The following KIR3DL2 variants were observed in gnomAD, a reference collection of about 807,000 sequenced individuals.
The protein encoded by KIR3DL2 is killer cell immunoglobulin-like receptor 3DL2.
A neutral mutation model predicts 41.6 loss-of-function variants in KIR3DL2; 42 were observed. The observed-to-expected ratio is 1.01, with a 90% CI of 0.79 to 1.31. The LOEUF is 1.31. KIR3DL2 is among the 50% of genes most tolerant of loss of function. The probability of loss-of-function intolerance (pLI) is 0.00; values close to 1 mark genes in which losing one functional copy is unlikely to be tolerated. For missense variants in KIR3DL2, 728 were observed against 576.8 expected, an observed-to-expected ratio of 1.26 and a Z score of -2.68; for synonymous variants, 230 against 221.3, an observed-to-expected ratio of 1.04 and a Z score of -0.35.
At chr19:54,862,802 C>CTTT (rs1210198153) in intron 6 of KIR3DL2, among the ~76,000 whole-genome samples, 1,648 of 79,252 alleles carry the variant, frequency 0.021, 14 homozygotes, top group Non-Finnish European at 0.028. Context: ...TGGGTTACTT[C>CTTT]TTTTTTTTTT....
At chr19:54,855,447 G>C (rs2145612599) in intron 4 of KIR3DL2, among the ~76,000 whole-genome samples, 172 bp from the exon 5 acceptor site, 1 of 151,456 alleles carries the variant, frequency 6.6e-6, no homozygotes, top group South Asian at 2.1e-4. Context: ...CAGAGACCTA[G>C]AGAGACAGAG....
intron 5 of KIR3DL2, 25 bp downstream of exon 5, chr19:54,855,937 A>G (rs2064733784): frequency 7.4e-6 from 12 of 1,612,096 alleles, no homozygotes; most frequent in African/African-American, 5.4e-5. Flanking sequence ...TGTCTGTCCC[A>G]TGTCTTATGA....
intron 5 of KIR3DL2, among the ~76,000 whole-genome samples, chr19:54,858,360 G>C (rs1601787622): frequency 6.6e-6 from 1 of 150,506 alleles, no homozygotes; most frequent in East Asian, 1.9e-4. Context: ...TCTGCATGTA[G>C]ATATCCAGTT....
rs1198280488 is a variant in KIR3DL2 at position 54,866,826 on chromosome 19, C to G, written c.*95C>G. 3 of 1,320,818 alleles carry G rather than the reference C, an allele frequency of 2.3e-6. No homozygotes were observed. Among genetic ancestry groups the G allele is most frequent in the Non-Finnish European group, 1.1e-6 (1 of 933,138 alleles). 81.8% of individuals were successfully genotyped at this position (1,320,818 alleles called of 1,614,324 possible). On this transcript the variant is annotated 3_prime_UTR_variant, in exon 9 of 9. Transcript: ENST00000326321. ...TCAGTCTGCATCTTAGGGGATCGCT[C>G]TTCCTCACACCACGAATCTGAACAT...
chr19:54,860,527 G>A (rs774849000), intron 6 of KIR3DL2, among the ~76,000 whole-genome samples: 13 of 151,804 alleles, frequency 8.6e-5, no homozygotes, highest in East Asian at 7.7e-4. Flanking sequence ...CAACCACCAC[G>A]CCCGGCTAAC....
intron 7 of KIR3DL2, 38 bp from the exon 8 acceptor site, chr19:54,866,332 G>T: frequency 6.2e-7 from 1 of 1,612,238 alleles, no homozygotes; most frequent in Non-Finnish European, 8.5e-7. Flanking sequence ...ACCCAGAAGG[G>T]CCCTCCAAGC....
chr19:54,852,129 G>T lies in KIR3DL2; in HGVS notation c.202G>T (p.Val68Phe). Residue 68 changes from valine (V) to phenylalanine (F), a missense_variant, in exon 3 of 9, where the codon GTT becomes TTT. By Grantham distance (50) the Val-to-Phe change is conservative. Coordinates refer to ENST00000326321, the MANE Select transcript of KIR3DL2 (RefSeq NM_006737.4). Reference protein sequence around the residue: ...FMLYKEDRSHVPIFHGRIFQE... With the variant: ...FMLYKEDRSHFPIFHGRIFQE... ...GCTGTACAAAGAAGACAGAAGCCAC[G>T]TTCCCATCTTCCACGGCAGAATATT... The T allele has an allele frequency of 1.2e-6, 2 of 1,612,980 alleles. No individual in the cohort carries two copies. The highest frequency in any genetic ancestry group is 1.7e-6 in the Non-Finnish European group (2 of 1,179,608).
At position 54,866,712 on chromosome 19, in the gene KIR3DL2, G is replaced by T; in HGVS notation, c.1349G>T (p.Gly450Val). The T allele has an allele frequency of 6.2e-7, 1 of 1,613,898 alleles. No individual in the cohort carries two copies. Among genetic ancestry groups the T allele is most frequent in the Non-Finnish European group, 8.5e-7 (1 of 1,179,950 alleles). Residue 450 changes from glycine to valine, a missense_variant, in exon 9 of 9, where the codon GGT (glycine) becomes GTT (valine). Physicochemically the swap from Gly to Val is moderately radical, Grantham distance 109. Coordinates refer to ENST00000326321, the MANE Select transcript of KIR3DL2 (RefSeq NM_006737.4). Reference sequence around the variant, plus strand: ...TCCTGCCCACGAGCACCACAGTCAGGTCTTGAGGGGGTTTTCTAGGGAGAC... The same window carrying T: ...TCCTGCCCACGAGCACCACAGTCAGTTCTTGAGGGGGTTTTCTAGGGAGAC... Reference protein sequence around the residue: ...VVSCPRAPQSGLEGVF With the variant: ...VVSCPRAPQSVLEGVF
chr19:54,851,687 T>C (rs1360997714), intron 2 of KIR3DL2, among the ~76,000 whole-genome samples: 1 of 151,782 alleles, frequency 6.6e-6, no homozygotes, highest in Non-Finnish European at 1.5e-5. Context: ...GCTCAGTTCA[T>C]GAATTGGCTG....
At position 54,866,649 on chromosome 19, in the gene KIR3DL2, C is replaced by T. The variant is rs141052127; in HGVS notation, c.1286C>T (p.Thr429Met). The T allele has an allele frequency of 6.2e-5, 100 of 1,613,772 alleles. No homozygotes were observed. Among genetic ancestry groups the T allele is most frequent in the Non-Finnish European group, 7.9e-5 (93 of 1,179,956 alleles). ...KTPLTDTSVYTELPNAEPRSK... is the reference protein window; with the variant it reads ...KTPLTDTSVYMELPNAEPRSK... The stretch of plus-strand genomic sequence containing the variant: ...CCCCTAACAGATACCAGCGTGTACA[C>T]GGAACTTCCAAATGCTGAGCCCAGA... Residue 429 changes from threonine (T) to methionine (M), a missense_variant, in exon 9 of 9, where the codon ACG (threonine) becomes ATG (methionine). Physicochemically the swap from Thr to Met is moderately conservative, Grantham distance 81. Coordinates refer to ENST00000326321, the MANE Select transcript of KIR3DL2 (RefSeq NM_006737.4).
intron 5 of KIR3DL2, among the ~76,000 whole-genome samples, chr19:54,858,130 G>A (rs1163815123): frequency 6.6e-6 from 1 of 151,310 alleles, no homozygotes; most frequent in Non-Finnish European, 1.5e-5. Context: ...TATCTTTGGT[G>A]GTGCAGAAGT....
chr19:54,860,872 C>G (rs1268780500), intron 6 of KIR3DL2, among the ~76,000 whole-genome samples: 22 of 140,536 alleles, frequency 1.6e-4, no homozygotes, highest in South Asian at 2.3e-4. Context: ...GGAAGAGGCT[C>G]TGACTCAAAT....
intron 5 of KIR3DL2, among the ~76,000 whole-genome samples, chr19:54,858,033 A>G (rs1160749609): frequency 1.3e-5 from 2 of 151,652 alleles, no homozygotes; most frequent in Admixed American, 6.6e-5. Context: ...TGAGCTTCTT[A>G]TATTTCCAGT....
chr19:54,861,202 G>A (rs1193478584), intron 6 of KIR3DL2, among the ~76,000 whole-genome samples: 1 of 137,868 alleles, frequency 7.3e-6, no homozygotes, highest in Non-Finnish European at 1.6e-5. Context: ...TCATTGGCTG[G>A]AAAGGCTTGC....
chr19:54,857,589 T>C lies in KIR3DL2; in HGVS notation c.950-1490T>C, dbSNP rs2064882943. On this transcript the variant is annotated intron_variant, in intron 5 of 8. Transcript: ENST00000326321. ...TGTTGAGATGGAGTTTCACTCATAG[T>C]CGCCCAGGCTGGAGTGCAAGGGTGT... Among the ~76,000 whole-genome samples, 2 of 151,376 alleles carry C rather than the reference T, an allele frequency of 1.3e-5. 1 individual carries two copies. The highest frequency in any genetic ancestry group is 4.9e-5 in the African/African-American group (2 of 40,894).
At chr19:54,860,577 G>C (rs1421325707) in intron 6 of KIR3DL2, among the ~76,000 whole-genome samples, 6 of 151,948 alleles carry the variant, frequency 3.9e-5, no homozygotes, top group Non-Finnish European at 7.4e-5. Flanking sequence ...GTTTCACCAT[G>C]TTGGCCAGGC....
At chr19:54,855,503 T>TGAGA (rs4020207) in intron 4 of KIR3DL2, 116 bp from the exon 5 acceptor site, 5 of 1,341,082 alleles carry the variant, frequency 3.7e-6, no homozygotes, top group African/African-American at 1.5e-5. Flanking sequence ...GGGTGGAGGG[T>TGAGA]GAGAGAGAGA....
rs770974173 is a variant in KIR3DL2 at position 54,852,054 on chromosome 19, G to T, written c.127G>T (p.Gly43Ter). The T allele has an allele frequency of 5.0e-6, 8 of 1,612,248 alleles. No homozygotes were observed. In the African/African-American group the frequency reaches 6.7e-5, roughly 14 times the overall value. Reference protein sequence around the residue: ...ARPSTVVPRGGHVALQCHYRR... With the variant: ...ARPSTVVPRG Reference sequence around the variant, plus strand: ...GCCCAGCACTGTGGTGCCTCGAGGAGGACACGTGGCTCTTCAGTGTCACTA... The same window carrying T: ...GCCCAGCACTGTGGTGCCTCGAGGATGACACGTGGCTCTTCAGTGTCACTA... The change falls in exon 3 of 9, where the codon GGA becomes TGA. Residue 43 changes from glycine to a stop codon, truncating the protein, a stop_gained. Transcript: ENST00000326321. LOFTEE classifies it high-confidence loss of function.
chr19:54,854,099 T>C, intron 4 of KIR3DL2, 53 bp downstream of exon 4: 1 of 1,601,568 alleles, frequency 6.2e-7, no homozygotes, highest in Non-Finnish European at 8.5e-7. Context: ...GAGTGAATGA[T>C]CCAGGACTTG....
Sources: allele counts gnomAD v4.1 joint callset (sites outside exome capture counted in the v4.1 genomes callset), GRCh38; gene constraint gnomAD v4.1.1; transcripts MANE v1.5; gene names NCBI Gene and HGNC (gene_info 2026-07-23, HGNC 2026-07-21).